EYA2: variants seen among roughly 807,000 people sequenced by gnomAD.
The protein encoded by EYA2 is EYA transcriptional coactivator and phosphatase 2.
EYA2 carries 31 observed loss-of-function variants against 69.2 expected under a neutral mutation model. The ratio of observed to expected loss-of-function variants is 0.45; its 90% CI spans 0.34 to 0.60. The LOEUF (loss-of-function observed/expected upper bound fraction) is 0.60. Ranked by LOEUF, EYA2 falls within the 20% of genes least tolerant of loss-of-function variation. The pLI is 0.02. For missense variants in EYA2, 622 were observed against 701.2 expected, an observed-to-expected ratio of 0.89 and a Z score of 1.28; for synonymous variants, 257 against 279.4, an observed-to-expected ratio of 0.92 and a Z score of 0.80.
At chr20:46,940,895 C>A (rs1986127870) in intron 1 of EYA2, among the ~76,000 whole-genome samples, 1 of 152,218 alleles carries the variant, frequency 6.6e-6, no homozygotes, top group Non-Finnish European at 1.5e-5. Flanking sequence ...GGGCCAGTGA[C>A]CCCGGGGTGA....
chr20:47,168,119 C>G (rs1017678024), intron 10 of EYA2, among the ~76,000 whole-genome samples: 1 of 152,200 alleles, frequency 6.6e-6, no homozygotes, highest in Non-Finnish European at 1.5e-5. Context: ...TTGAAGCAAT[C>G]ACTGTGGCCA....
intron 1 of EYA2, among the ~76,000 whole-genome samples, chr20:46,916,649 G>A (rs1054221636): frequency 7.2e-5 from 11 of 152,264 alleles, no homozygotes; most frequent in East Asian, 3.9e-4. Context: ...CTAATGCCAC[G>A]TCAGTGAGCT....
At chr20:47,056,364 G>GTT (rs78758372) in intron 5 of EYA2, among the ~76,000 whole-genome samples, 8 of 142,162 alleles carry the variant, frequency 5.6e-5, no homozygotes, top group Non-Finnish European at 7.8e-5. Flanking sequence ...TATCCAAATT[G>GTT]TTTTTTTTTT....
At chr20:47,172,003 G>A (rs2034330861) in intron 11 of EYA2, among the ~76,000 whole-genome samples, 1 of 151,976 alleles carries the variant, frequency 6.6e-6, no homozygotes, top group African/African-American at 2.4e-5. Context: ...GGAGGCTGAG[G>A]CAGGAGAATC....
intron 1 of EYA2, among the ~76,000 whole-genome samples, chr20:46,958,432 G>T (rs951392001): frequency 1.3e-5 from 2 of 150,426 alleles, no homozygotes; most frequent in African/African-American, 4.8e-5. Flanking sequence ...AAATGAATCT[G>T]AGCTCACGTG....
chr20:47,167,222 A>T (rs1394386070), intron 10 of EYA2, among the ~76,000 whole-genome samples: 1 of 150,424 alleles, frequency 6.6e-6, no homozygotes, highest in Admixed American at 6.6e-5. Flanking sequence ...CGAACAACAC[A>T]CACGTGTCCT....
chr20:47,018,079 C>T (rs968243357), intron 5 of EYA2, among the ~76,000 whole-genome samples: 3 of 152,176 alleles, frequency 2.0e-5, no homozygotes, highest in South Asian at 2.1e-4. Flanking sequence ...ATGATGGCAC[C>T]GGCCCTGATA....
intron 1 of EYA2, among the ~76,000 whole-genome samples, chr20:46,909,385 A>G (rs1233674236): frequency 6.6e-6 from 1 of 152,048 alleles, no homozygotes; most frequent in Non-Finnish European, 1.5e-5. Flanking sequence ...AAGCTCCAGG[A>G]GCTTTTTAAG....
chr20:47,037,733 T>C (rs921482583), intron 5 of EYA2, among the ~76,000 whole-genome samples: 6 of 152,220 alleles, frequency 3.9e-5, no homozygotes, highest in Non-Finnish European at 7.3e-5. Flanking sequence ...CTGCTGCCTT[T>C]CTCTGCCACT....
intron 7 of EYA2, among the ~76,000 whole-genome samples, chr20:47,075,671 A>G (rs1339226585): frequency 6.6e-6 from 1 of 152,178 alleles, no homozygotes; most frequent in Non-Finnish European, 1.5e-5. Flanking sequence ...ACAATCCTTC[A>G]AAACATCCTT....
chr20:46,936,085 TC>T (rs370964749), intron 1 of EYA2, among the ~76,000 whole-genome samples: 159 of 152,234 alleles, frequency 1.0e-3, no homozygotes, highest in African/African-American at 3.7e-3. Context: ...AAGTCTGAAA[TC>T]CTAAACACTT....
Position 46,947,086 on chromosome 20 carries a change from A to C in EYA2, c.-10-42915A>C, listed in dbSNP as rs529873977. Among the ~76,000 whole-genome samples the C allele has an allele frequency of 3.3e-5, 5 of 152,308 alleles. No individual in the cohort carries two copies. In the East Asian group the frequency reaches 9.6e-4, roughly 29 times the overall value. On this transcript the variant is annotated intron_variant, in intron 1 of 15. Coordinates refer to ENST00000327619, the MANE Select transcript of EYA2 (RefSeq NM_005244.5). The stretch of plus-strand genomic sequence containing the variant: ...AGACCTCTTGGCCCCCAAAGCCTAA[A>C]ATATTTCCCATCTAGCTCTTCACAG...
chr20:46,986,509 C>T (rs1206781), intron 1 of EYA2, among the ~76,000 whole-genome samples: 42 of 128,296 alleles, frequency 3.3e-4, no homozygotes, highest in African/African-American at 1.0e-3. Flanking sequence ...AAGATATAAA[C>T]AATAGAGCTG....
At chr20:46,946,419 C>G (rs971190952) in intron 1 of EYA2, among the ~76,000 whole-genome samples, 3 of 152,146 alleles carry the variant, frequency 2.0e-5, no homozygotes, top group African/African-American at 4.8e-5. Flanking sequence ...TACTTTGATT[C>G]TTTTTTTGGC....
At chr20:47,051,913 A>G (rs1335170365) in intron 5 of EYA2, among the ~76,000 whole-genome samples, 1 of 152,246 alleles carries the variant, frequency 6.6e-6, no homozygotes, top group Non-Finnish European at 1.5e-5. Context: ...AGTGCCCGGC[A>G]CAGAGCAGAT....
intron 9 of EYA2, among the ~76,000 whole-genome samples, chr20:47,120,060 A>T (rs1600723016): frequency 6.6e-6 from 1 of 152,278 alleles, no homozygotes; most frequent in East Asian, 1.9e-4. Context: ...TACAAAAATT[A>T]GCCGGGGCAT....
At chr20:47,041,692 A>G (rs1035962897) in intron 5 of EYA2, among the ~76,000 whole-genome samples, 25 of 152,186 alleles carry the variant, frequency 1.6e-4, no homozygotes, top group Non-Finnish European at 2.5e-4. Flanking sequence ...GCAGGGATCA[A>G]TTAGTGATGC....
intron 1 of EYA2, among the ~76,000 whole-genome samples, chr20:46,976,091 C>G (rs989900436): frequency 6.6e-6 from 1 of 151,092 alleles, no homozygotes; most frequent in Non-Finnish European, 1.5e-5. Flanking sequence ...CTGAGTGCGG[C>G]GGCTCATGCC....
intron 5 of EYA2, among the ~76,000 whole-genome samples, chr20:47,034,799 C>T (rs934435765): frequency 3.4e-4 from 51 of 152,234 alleles, no homozygotes; most frequent in African/African-American, 1.2e-3. Flanking sequence ...AAGGTTGGTA[C>T]CTTCTGGAAG....
Sources: gnomAD v4.1 joint callset for allele counts (sites outside exome capture counted in the v4.1 genomes callset) on GRCh38, gnomAD v4.1.1 for gene constraint, MANE v1.5 for transcripts, NCBI Gene and HGNC (gene_info 2026-07-23, HGNC 2026-07-21) for gene names.